Variants in REV3L observed in about 807,000 individuals in gnomAD.
REV3L encodes DNA polymerase zeta catalytic subunit.
REV3L carries 69 observed loss-of-function variants against 299.4 expected under a neutral mutation model. That is an observed-to-expected ratio of 0.23 (90% confidence interval 0.19 to 0.28). The LOEUF (loss-of-function observed/expected upper bound fraction) is 0.28, where lower values mean the gene tolerates loss of function less well. Among genes scored for constraint, REV3L ranks in the 10% least tolerant of loss-of-function variants. REV3L has a pLI of 1.00. For synonymous variants in REV3L, 1,238 were observed against 1,271.4 expected, an observed-to-expected ratio of 0.97 and a Z score of 0.56; for missense variants, 3,128 against 3,693.8, an observed-to-expected ratio of 0.85 and a Z score of 3.97.
chr6:111,375,502 A>G lies in REV3L; in HGVS notation c.2853T>C (p.Ile951=), dbSNP rs55834486. The G allele has an allele frequency of 1.2e-4, 191 of 1,607,270 alleles. No homozygotes were observed. The East Asian group carries it at 4.2e-3, about 35-fold the overall frequency. ...TGAGAGTTCCATCTAAACTTTCACC[A>G]ATTTCCATGGGATGAGGTAGACTAA... ...SKISLPHPME[I]GESLDGTLKS... Residue 951 remains isoleucine (I), a synonymous_variant, in exon 13 of 32, where the codon ATT becomes ATC. Transcript: ENST00000368802.
At chr6:111,423,453 G>T (rs953415110) in intron 1 of REV3L, among the ~76,000 whole-genome samples, 10 of 151,992 alleles carry the variant, frequency 6.6e-5, no homozygotes, top group Non-Finnish European at 1.5e-5. Flanking sequence ...AGTGTAGGTG[G>T]GATGAAACAA....
At chr6:111,481,160 G>A (rs1793583159) in intron 1 of REV3L, among the ~76,000 whole-genome samples, 1 of 152,136 alleles carries the variant, frequency 6.6e-6, no homozygotes, top group Admixed American at 6.5e-5. Context: ...ACACAGAAAT[G>A]CCACAGTATA....
intron 20 of REV3L, among the ~76,000 whole-genome samples, chr6:111,346,576 T>G (rs1777051028): frequency 6.6e-6 from 1 of 152,186 alleles, no homozygotes; most frequent in Admixed American, 6.6e-5. Context: ...CTTGAATTCC[T>G]GGCCTCAAAA....
At chr6:111,417,256 A>G (rs971340600) in intron 1 of REV3L, among the ~76,000 whole-genome samples, 1 of 152,202 alleles carries the variant, frequency 6.6e-6, no homozygotes, top group African/African-American at 2.4e-5. Context: ...AGAACCCACA[A>G]AAGAAATGCC....
At chr6:111,300,628 T>C (rs1016912446) in intron 31 of REV3L, among the ~76,000 whole-genome samples, 1 of 152,200 alleles carries the variant, frequency 6.6e-6, no homozygotes, top group African/African-American at 2.4e-5. Flanking sequence ...CATTTGTTAG[T>C]TCCCCAAATT....
intron 16 of REV3L, chr6:111,361,402 C>CG (rs1562181308): frequency 2.2e-5 from 1 of 45,696 alleles, no homozygotes; most frequent in Non-Finnish European, 5.9e-5. Flanking sequence ...CAAAAAAAAA[C>CG]AAAAAACACA....
At chr6:111,430,680 C>T (rs138177764) in intron 1 of REV3L, 4 of 1,524,418 alleles carry the variant, frequency 2.6e-6, no homozygotes, top group Admixed American at 1.7e-5. Context: ...AAAGCACACG[C>T]CTTCAAGAGT....
chr6:111,430,861 C>T (rs748705081), intron 1 of REV3L: 61 of 1,604,372 alleles, frequency 3.8e-5, no homozygotes, highest in South Asian at 8.8e-5. Flanking sequence ...GAAAACCAGA[C>T]GGAACAACAA....
intron 19 of REV3L, among the ~76,000 whole-genome samples, chr6:111,349,898 G>A (rs1391191578): frequency 6.6e-6 from 1 of 152,174 alleles, no homozygotes; most frequent in Non-Finnish European, 1.5e-5. Context: ...TGCATATGGA[G>A]AACTAGATGA....
At chr6:111,427,821 A>C (rs575666501) in intron 1 of REV3L, among the ~76,000 whole-genome samples, 1 of 152,232 alleles carries the variant, frequency 6.6e-6, no homozygotes, top group East Asian at 1.9e-4. Context: ...ACCAGAAATA[A>C]AGAGAAGAGG....
intron 26 of REV3L, among the ~76,000 whole-genome samples, chr6:111,316,833 A>G (rs1399110074): frequency 6.6e-6 from 1 of 152,256 alleles, no homozygotes; most frequent in African/African-American, 2.4e-5. Flanking sequence ...AAATCTTTTC[A>G]TATGCTATAA....
At chr6:111,480,782 A>G (rs1793528373) in intron 1 of REV3L, among the ~76,000 whole-genome samples, 1 of 148,194 alleles carries the variant, frequency 6.7e-6, no homozygotes, top group Non-Finnish European at 1.5e-5. Flanking sequence ...ATTTCAAAGT[A>G]TGTACCAAAA....
At chr6:111,358,007 T>A (rs1034047999) in intron 17 of REV3L, among the ~76,000 whole-genome samples, 1 of 150,460 alleles carries the variant, frequency 6.6e-6, no homozygotes, top group African/African-American at 2.4e-5. Flanking sequence ...CTCAAGCACA[T>A]CACTGAATAA....
chr6:111,430,073 A>C (rs1786704042), intron 1 of REV3L, among the ~76,000 whole-genome samples: 2 of 152,130 alleles, frequency 1.3e-5, no homozygotes, highest in African/African-American at 4.8e-5. Context: ...GAAAACAGAT[A>C]AGAGTTAAGG....
chr6:111,353,477 A>G (rs1777780863), intron 18 of REV3L, among the ~76,000 whole-genome samples: 1 of 152,208 alleles, frequency 6.6e-6, no homozygotes, highest in Non-Finnish European at 1.5e-5. Context: ...TAAAGGCCCT[A>G]TGAAAGTACA....
At chr6:111,397,616 T>C (rs1014533180) in intron 4 of REV3L, among the ~76,000 whole-genome samples, 4 of 152,184 alleles carry the variant, frequency 2.6e-5, no homozygotes, top group African/African-American at 4.8e-5. Context: ...TAAATGTCTG[T>C]TAGGTCCATT....
At chr6:111,369,726 A>T (rs995319062) in intron 13 of REV3L, among the ~76,000 whole-genome samples, 1 of 152,232 alleles carries the variant, frequency 6.6e-6, no homozygotes, top group African/African-American at 2.4e-5. Context: ...CTTTTTAAAA[A>T]AGAAAACAGA....
intron 2 of REV3L, 101 bp downstream of exon 2, chr6:111,416,182 A>G: frequency 2.6e-6 from 2 of 779,438 alleles, no homozygotes; most frequent in Non-Finnish European, 3.7e-6. Context: ...GTTCCATTAG[A>G]CTAGAAGTAA....
chr6:111,398,072 C>A (rs1482521472), intron 4 of REV3L, among the ~76,000 whole-genome samples: 1 of 149,688 alleles, frequency 6.7e-6, no homozygotes, highest in African/African-American at 2.4e-5. Context: ...CAGCATTGGA[C>A]AGATGCTAAG....
Sources: gnomAD v4.1 joint callset for allele counts (sites outside exome capture counted in the v4.1 genomes callset) on GRCh38, gnomAD v4.1.1 for gene constraint, MANE v1.5 for transcripts, NCBI Gene and HGNC (gene_info 2026-07-23, HGNC 2026-07-21) for gene names.